Variants in NUMB observed in about 807,000 individuals in gnomAD.
NUMB encodes NUMB endocytic adaptor protein.
NUMB carries 29 observed loss-of-function variants against 59.7 expected under a neutral mutation model. That is an observed-to-expected ratio of 0.49 (90% CI 0.36 to 0.66). NUMB has a LOEUF of 0.66. Among genes scored for constraint, NUMB ranks in the 30% least tolerant of loss-of-function variants. The pLI, the probability that NUMB is intolerant of heterozygous loss-of-function variation, is 0.00. For missense variants in NUMB, 723 were observed against 822.0 expected (o/e 0.88, Z 1.47); for synonymous variants, 288 against 288.2 (o/e 1.00, Z 0.01).
intron 11 of NUMB, among the ~76,000 whole-genome samples, chr14:73,280,980 G>A (rs181831085): frequency 2.9e-4 from 44 of 152,090 alleles, no homozygotes; most frequent in South Asian, 6.2e-4. Flanking sequence ...GTGAGCCACC[G>A]CACCCAGCCG....
intron 1 of NUMB, among the ~76,000 whole-genome samples, chr14:73,451,899 A>C (rs1884004261): frequency 6.6e-6 from 1 of 152,180 alleles, no homozygotes; most frequent in Non-Finnish European, 1.5e-5. Context: ...AATATAATCA[A>C]GTTACCATAA....
intron 6 of NUMB, among the ~76,000 whole-genome samples, chr14:73,301,594 T>C (rs1230730069): frequency 1.3e-5 from 2 of 152,028 alleles, no homozygotes; most frequent in Admixed American, 6.5e-5. Flanking sequence ...TGCACTACCA[T>C]ACCCAGCTAA....
intron 5 of NUMB, among the ~76,000 whole-genome samples, chr14:73,321,510 A>G (rs1247583728): frequency 2.6e-5 from 4 of 152,140 alleles, no homozygotes; most frequent in African/African-American, 9.7e-5. Flanking sequence ...AGTAACTGAT[A>G]TTTTGTTTAT....
chr14:73,367,962 T>C (rs1211076427), intron 2 of NUMB, among the ~76,000 whole-genome samples: 1 of 152,022 alleles, frequency 6.6e-6, no homozygotes, highest in East Asian at 1.9e-4. Flanking sequence ...CACAGTCCTA[T>C]ATTTATTTCC....
At chr14:73,443,110 C>T (rs1484772425) in intron 1 of NUMB, among the ~76,000 whole-genome samples, 1 of 152,180 alleles carries the variant, frequency 6.6e-6, no homozygotes, top group African/African-American at 2.4e-5. Context: ...AATCTGCCTT[C>T]CTTGGCCTCC....
intron 4 of NUMB, among the ~76,000 whole-genome samples, chr14:73,338,865 A>T (rs1291792954): frequency 3.9e-5 from 6 of 152,234 alleles, no homozygotes; most frequent in Admixed American, 3.3e-4. Flanking sequence ...GATTAGATGT[A>T]ACTCCACTTT....
chr14:73,276,816 CTGG>C lies in NUMB; in HGVS notation c.1715_1717del (p.Thr572del). The C allele has an allele frequency of 6.2e-7, 1 of 1,614,154 alleles. No homozygotes were observed. Among genetic ancestry groups the C allele is most frequent in the Non-Finnish European group, 8.5e-7 (1 of 1,180,028 alleles). The stretch of plus-strand genomic sequence containing the variant: ...CTGAGCAGGAGGCTTAAAGAAGGGA[CTGG>C]TGGTAGCACTGCTTGCCTCGTAGTG... On this transcript the variant is annotated inframe_deletion, in exon 13 of 13. Coordinates refer to ENST00000555238, the MANE Select transcript of NUMB (RefSeq NM_001005743.2).
chr14:73,292,731 C>G lies in NUMB; in HGVS notation c.450+3G>C, dbSNP rs369959490. 1 of 1,613,964 alleles carries G rather than the reference C, an allele frequency of 6.2e-7. No individual in the cohort carries two copies. The highest frequency in any genetic ancestry group is 8.5e-7 in the Non-Finnish European group (1 of 1,179,970). ...TCATGAAATACATATTTGCTGGACT[C>G]ACTGTGTCCTTGACAGCCATGAAGC... On this transcript the variant is annotated splice_donor_region_variant and intron_variant, in intron 8 of 12. Transcript: ENST00000555238.
At chr14:73,319,935 C>T (rs1297208438) in intron 5 of NUMB, among the ~76,000 whole-genome samples, 1 of 151,978 alleles carries the variant, frequency 6.6e-6, no homozygotes, top group Non-Finnish European at 1.5e-5. Flanking sequence ...TTCAAGACCA[C>T]CCTGGCCAAC....
intron 2 of NUMB, among the ~76,000 whole-genome samples, chr14:73,377,410 G>T (rs974712616): frequency 6.6e-6 from 1 of 152,160 alleles, no homozygotes; most frequent in African/African-American, 2.4e-5. Context: ...GCCAAGGGGG[G>T]CAGGCAGATC....
Position 73,372,312 on chromosome 14 carries a change from TA to T in NUMB, c.-100-5332del, listed in dbSNP as rs1894724672. Among the ~76,000 whole-genome samples the T allele has an allele frequency of 3.1e-5, 3 of 95,988 alleles. No individual in the cohort carries two copies. In the South Asian group the frequency reaches 1.0e-3, roughly 32 times the overall value. The allele number at this position is 95,988 out of a possible 152,430, so 63.0% of individuals were successfully genotyped here. A position where few individuals can be genotyped will look rare whatever the true frequency, so the allele number is the denominator to read the frequency against. On this transcript the variant is annotated intron_variant, in intron 2 of 12. Transcript: ENST00000555238. The stretch of plus-strand genomic sequence containing the variant: ...AATATATATATATTTCTTTTATATA[TA>T]TATATATATATATATATATATATAA...
chr14:73,411,711 G>A (rs1896901387), intron 1 of NUMB, among the ~76,000 whole-genome samples: 2 of 151,860 alleles, frequency 1.3e-5, no homozygotes, highest in Admixed American at 6.6e-5. Context: ...ATTGGTAAAC[G>A]GCTAATCTAT....
chr14:73,441,060 G>C (rs1302045755), intron 1 of NUMB, among the ~76,000 whole-genome samples: 1 of 151,806 alleles, frequency 6.6e-6, no homozygotes, highest in East Asian at 1.9e-4. Context: ...CATTATGTCT[G>C]ACAAGGAACT....
intron 1 of NUMB, among the ~76,000 whole-genome samples, chr14:73,457,274 T>C (rs1038273908): frequency 5.9e-5 from 9 of 152,138 alleles, no homozygotes; most frequent in African/African-American, 9.7e-5. Flanking sequence ...TCAATGAACC[T>C]ATTTCCTAAT....
Position 73,380,666 on chromosome 14 carries a change from T to C in NUMB, c.-100-13685A>G, listed in dbSNP as rs371096761. Among the ~76,000 whole-genome samples, 18 of 152,082 alleles carry C rather than the reference T, an allele frequency of 1.2e-4. 1 individual carries two copies. In the East Asian group the frequency reaches 1.5e-3, roughly 13 times the overall value. The stretch of plus-strand genomic sequence containing the variant: ...TACCCTGAAAGTAGAATTTGTGTTT[T>C]ATAGTTGTATGATAATACTAATAAG... On this transcript the variant is annotated intron_variant, in intron 2 of 12. Coordinates refer to ENST00000555238, the MANE Select transcript of NUMB (RefSeq NM_001005743.2).
chr14:73,335,377 A>G (rs1435922573), intron 4 of NUMB, among the ~76,000 whole-genome samples: 2 of 151,976 alleles, frequency 1.3e-5, no homozygotes, highest in Admixed American at 6.5e-5. Flanking sequence ...TATTATAGAA[A>G]CGTGGAAATA....
intron 11 of NUMB, among the ~76,000 whole-genome samples, chr14:73,280,529 C>T (rs1403612153): frequency 6.6e-6 from 1 of 151,790 alleles, no homozygotes; most frequent in Non-Finnish European, 1.5e-5. Flanking sequence ...AATCTGCTAA[C>T]CCTTGTTCCT....
chr14:73,353,795 C>G (rs1893611899), intron 4 of NUMB, among the ~76,000 whole-genome samples: 1 of 151,618 alleles, frequency 6.6e-6, no homozygotes, highest in African/African-American at 2.4e-5. Context: ...TCCAAGCAAC[C>G]AATGTGCCTC....
chr14:73,321,882 C>A (rs2139920935), intron 5 of NUMB, among the ~76,000 whole-genome samples: 1 of 152,058 alleles, frequency 6.6e-6, no homozygotes, highest in Middle Eastern at 3.4e-3. Context: ...TATATTATAG[C>A]CAATTACTTT....
Sources: allele counts gnomAD v4.1 joint callset (sites outside exome capture counted in the v4.1 genomes callset), GRCh38; gene constraint gnomAD v4.1.1; transcripts MANE v1.5; gene names NCBI Gene and HGNC (gene_info 2026-07-23, HGNC 2026-07-21).